The following CSF1R variants were observed in gnomAD, a reference collection of about 807,000 sequenced individuals.
The protein encoded by CSF1R is colony stimulating factor 1 receptor.
CSF1R carries 40 observed loss-of-function variants against 110.0 expected under a neutral mutation model. The ratio of observed to expected loss-of-function variants is 0.36; its 90% confidence interval spans 0.28 to 0.47. The LOEUF (loss-of-function observed/expected upper bound fraction) is 0.47, where lower values mean the gene tolerates loss of function less well. Ranked by LOEUF, CSF1R falls within the 20% of genes least tolerant of loss-of-function variation. CSF1R has a pLI of 0.99. For missense variants in CSF1R, 1,052 were observed against 1,253.0 expected, an observed-to-expected ratio of 0.84 and a Z score of 2.42; for synonymous variants, 523 against 503.4, an observed-to-expected ratio of 1.04 and a Z score of -0.52.
chr5:150,055,392 G>A lies in CSF1R; in HGVS notation c.2555-56C>T, dbSNP rs1374846664. 1.6e-5 allele frequency: 23 copies of A among 1,413,794 alleles called. No individual in the cohort carries two copies. The East Asian group carries it at 2.7e-4, about 17-fold the overall frequency. The allele number at this position is 1,413,794 out of a possible 1,614,324, so 87.6% of individuals were successfully genotyped here. A position where few individuals can be genotyped will look rare whatever the true frequency, so the allele number is the denominator to read the frequency against. On this transcript the variant is annotated intron_variant, in intron 18 of 20. Transcript: ENST00000675795. The stretch of plus-strand genomic sequence containing the variant: ...TGCCCATTGTCTTCTCCCCATTCCC[G>A]CACACCCACACACATCTTAGACTGG...
rs752528521 is a variant in CSF1R at position 150,073,319 on chromosome 5, G to T, written c.1064C>A (p.Thr355Asn). 1 of 1,613,842 alleles carries T rather than the reference G, an allele frequency of 6.2e-7. No homozygotes were observed. Among genetic ancestry groups the T allele is most frequent in the South Asian group, 1.1e-5 (1 of 91,058 alleles). The change falls in exon 6 of 21, where the codon ACC (threonine) becomes AAC (asparagine). Residue 355 changes from threonine (T) to asparagine (N), a missense_variant. Thr to Asn is a moderately conservative substitution (Grantham distance 65). This residue lies in a region of CSF1R where 693 missense variants were observed against 735.4 expected (regional missense o/e 0.94). Coordinates refer to ENST00000675795, the MANE Select transcript of CSF1R (RefSeq NM_001288705.3). Reference sequence around the variant, plus strand: ...GTGGTACCTGTATGTGTCCTTGGTGGTAGCATTAGCAAGCTTGGGCTCAGG... The same window carrying T: ...GTGGTACCTGTATGTGTCCTTGGTGTTAGCATTAGCAAGCTTGGGCTCAGG... ...HQPEPKLANA[T>N]TKDTYRHTFT...
At chr5:150,079,162 AG>A (rs1182826372) in intron 3 of CSF1R, among the ~76,000 whole-genome samples, 6 of 152,240 alleles carry the variant, frequency 3.9e-5, no homozygotes, top group Non-Finnish European at 7.3e-5. Context: ...ACTAGGGCCC[AG>A]GACCTTTGGC....
In CSF1R at chr5:150,061,768, G is replaced by T. The variant is rs762628391; in HGVS notation, c.1708C>A (p.Pro570Thr). The change falls in exon 11 of 21, where the codon CCT becomes ACT. Residue 570 changes from proline (P) to threonine (T), a missense_variant. This residue lies in a region of CSF1R where 693 missense variants were observed against 735.4 expected (regional missense o/e 0.94). Transcript: ENST00000675795. ...SYTFIDPTQL[P>T]YNEKWEFPRN... is the part of the protein sequence containing the mutation. The stretch of plus-strand genomic sequence containing the variant: ...GGGAACTCCCACTTCTCGTTGTAAG[G>T]CAGCTGCGTGGGGTCGATGAAAGTA... 1.2e-6 allele frequency: 2 copies of T among 1,614,234 alleles called. No individual in the cohort carries two copies. Among genetic ancestry groups the T allele is most frequent in the South Asian group, 2.2e-5 (2 of 91,082 alleles).
intron 1 of CSF1R, among the ~76,000 whole-genome samples, chr5:150,101,967 A>G (rs1280657812): frequency 6.6e-6 from 1 of 152,186 alleles, no homozygotes; most frequent in Non-Finnish European, 1.5e-5. Flanking sequence ...GAGATTTACC[A>G]TATTTTTAAA....
intron 10 of CSF1R, among the ~76,000 whole-genome samples, chr5:150,063,544 C>T (rs567083418): frequency 1.2e-4 from 18 of 151,806 alleles, no homozygotes; most frequent in African/African-American, 3.9e-4. Context: ...GAAAGAGAGA[C>T]GCTGCCCACT....
chr5:150,084,262 G>A (rs1349204625), intron 1 of CSF1R, among the ~76,000 whole-genome samples: 3 of 151,010 alleles, frequency 2.0e-5, no homozygotes, highest in Admixed American at 2.0e-4. Flanking sequence ...CCCCGGAGGC[G>A]GAGGTTGCAG....
intron 16 of CSF1R, 139 bp from the exon 17 acceptor site, chr5:150,056,480 C>G: frequency 9.9e-7 from 1 of 1,010,978 alleles, no homozygotes; most frequent in Non-Finnish European, 1.5e-6. Context: ...ACCACAAACC[C>G]TTGTCTATAC....
At chr5:150,089,179 C>G (rs533157721), upstream of CSF1R, among the ~76,000 whole-genome samples, 1 of 152,192 alleles carries the variant, frequency 6.6e-6, no homozygotes, top group Admixed American at 6.5e-5. Flanking sequence ...TGCCTGTTCT[C>G]GCCACTTCTG....
At chr5:150,063,396 C>G (rs528231540) in intron 10 of CSF1R, among the ~76,000 whole-genome samples, 1 of 152,002 alleles carries the variant, frequency 6.6e-6, no homozygotes, top group Admixed American at 6.5e-5. Context: ...TCACTCATGC[C>G]GGAGTGCAGT....
intron 1 of CSF1R, among the ~76,000 whole-genome samples, chr5:150,107,062 C>G (rs1759579620): frequency 6.6e-6 from 1 of 152,234 alleles, no homozygotes; most frequent in Admixed American, 6.5e-5. Context: ...AGTGCTCAGT[C>G]AATGCCAGAT....
intron 1 of CSF1R, among the ~76,000 whole-genome samples, chr5:150,083,604 C>G (rs772951121): frequency 6.6e-6 from 1 of 151,930 alleles, no homozygotes; most frequent in Admixed American, 6.6e-5. Flanking sequence ...GGGACTGGAC[C>G]CTGGAAAACC....
chr5:150,073,604 T>TG, intron 5 of CSF1R, 111 bp from the exon 6 acceptor site: 1 of 1,076,610 alleles, frequency 9.3e-7, no homozygotes, highest in Non-Finnish European at 1.3e-6. Context: ...ATGTCACAGG[T>TG]ACATAGTCCC....
intron 14 of CSF1R, chr5:150,058,419 C>A (rs765945143): frequency 2.4e-6 from 1 of 416,466 alleles, no homozygotes; most frequent in Non-Finnish European, 4.8e-6. Flanking sequence ...TGTCCATATT[C>A]TAGTGTTCCC....
At chr5:150,098,741 A>G (rs1401357632) in intron 1 of CSF1R, among the ~76,000 whole-genome samples, 1 of 152,182 alleles carries the variant, frequency 6.6e-6, no homozygotes, top group Non-Finnish European at 1.5e-5. Flanking sequence ...ATAATTTGCC[A>G]TATAAAAGAT....
chr5:150,074,150 G>A (rs1485180234), intron 5 of CSF1R, among the ~76,000 whole-genome samples: 2 of 152,188 alleles, frequency 1.3e-5, no homozygotes, highest in African/African-American at 4.8e-5. Flanking sequence ...GAGAGTTGGG[G>A]AGTCATAGAT....
intron 1 of CSF1R, among the ~76,000 whole-genome samples, chr5:150,097,199 C>T (rs1759251013): frequency 6.6e-6 from 1 of 151,734 alleles, no homozygotes; most frequent in African/African-American, 2.4e-5. Flanking sequence ...CTACAATGAG[C>T]AGGGACTATG....
chr5:150,077,109 G>A (rs766821104), intron 5 of CSF1R, 167 bp downstream of exon 5: 7 of 825,774 alleles, frequency 8.5e-6, no homozygotes, highest in South Asian at 3.0e-5. Context: ...AGAGGGTAAG[G>A]GAAAGCTCCT....
chr5:150,074,748 A>C (rs762681), intron 5 of CSF1R, among the ~76,000 whole-genome samples: 116,224 of 152,018 alleles, frequency 0.76, 44,519 homozygotes, highest in East Asian at 0.79. Context: ...CCCTCTATGG[A>C]GTCCCATTGC....
chr5:150,072,466 C>T (rs1437437429), intron 6 of CSF1R, among the ~76,000 whole-genome samples: 1 of 151,994 alleles, frequency 6.6e-6, no homozygotes, highest in Non-Finnish European at 1.5e-5. Flanking sequence ...TGCACTCCAG[C>T]AACAAGAGCA....
Sources: allele counts gnomAD v4.1 joint callset (sites outside exome capture counted in the v4.1 genomes callset), GRCh38; gene constraint gnomAD v4.1.1; regional missense constraint gnomAD v4.1.1; transcripts MANE v1.5; gene names NCBI Gene and HGNC (gene_info 2026-07-23, HGNC 2026-07-21).